The following USH2A variants were observed in gnomAD, a reference collection of about 807,000 sequenced individuals.
The protein encoded by USH2A is Usher syndrome 2A (autosomal recessive, mild).
Under a neutral mutation model 538.9 loss-of-function variants are expected in USH2A, and 443 were observed. The observed-to-expected ratio is 0.82, with a 90% CI of 0.76 to 0.89. USH2A has a LOEUF of 0.89. Among genes scored for constraint, USH2A ranks in the 40% least tolerant of loss-of-function variants. The pLI, the probability that USH2A is intolerant of heterozygous loss-of-function variation, is 0.00. For synonymous variants in USH2A, 2,413 were observed against 2,273.5 expected (o/e 1.06, Z -1.75); for missense variants, 6,633 against 6,324.8 (o/e 1.05, Z -1.65).
intron 3 of USH2A, among the ~76,000 whole-genome samples, chr1:216,393,985 A>G (rs552679896): frequency 6.6e-6 from 1 of 152,320 alleles, no homozygotes; most frequent in Admixed American, 6.5e-5. Context: ...TGAAATGGGA[A>G]GATTTGAACA....
chr1:216,071,859 G>A (rs1005045873), intron 29 of USH2A, among the ~76,000 whole-genome samples: 5 of 152,144 alleles, frequency 3.3e-5, no homozygotes, highest in African/African-American at 4.8e-5. Flanking sequence ...TTAAGAGATC[G>A]TTCAGCTCAT....
chr1:215,931,526 C>T (rs1418071913), intron 38 of USH2A, among the ~76,000 whole-genome samples: 1 of 151,964 alleles, frequency 6.6e-6, no homozygotes, highest in Non-Finnish European at 1.5e-5. Context: ...GTTTGAGCTC[C>T]CAATTTTATC....
At chr1:215,913,824 C>T (rs1195754251) in intron 38 of USH2A, among the ~76,000 whole-genome samples, 2 of 151,900 alleles carry the variant, frequency 1.3e-5, no homozygotes, top group Non-Finnish European at 2.9e-5. Context: ...CCATTACACT[C>T]ACTTCTGGGA....
Position 216,073,121 on chromosome 1 carries a change from C to T in USH2A, c.5752G>A (p.Glu1918Lys), listed in dbSNP as rs529355834. The T allele has an allele frequency of 4.3e-5, 69 of 1,613,880 alleles. No individual in the cohort carries two copies. Among genetic ancestry groups the T allele is most frequent in the South Asian group, 2.5e-4 (23 of 91,058 alleles). ...VYQGKEQSVY[E>K]GGLQPFTEYL... ...CCTGTAAAAGGCTGGAGACCACCCT[C>T]GTAAACACTCTGCTCTTTTCCCTGG... The change falls in exon 28 of 72, where the codon GAG becomes AAG. Residue 1918 changes from glutamate to lysine, a missense_variant. Physicochemically the swap from Glu to Lys is moderately conservative, Grantham distance 56 (BLOSUM62 1). Transcript: ENST00000307340.
At chr1:216,246,484 TA>T in intron 13 of USH2A, 100 bp downstream of exon 13, 2 of 1,499,926 alleles carry the variant, frequency 1.3e-6, no homozygotes, top group East Asian at 2.3e-5. Flanking sequence ...ATTTTGGAAA[TA>T]AAATTTGTAG....
chr1:215,848,847 C>A (rs1663936483), intron 44 of USH2A, among the ~76,000 whole-genome samples: 1 of 152,176 alleles, frequency 6.6e-6, no homozygotes, highest in Admixed American at 6.6e-5. Flanking sequence ...GTTCTGGGAG[C>A]AGTACATGCA....
At position 215,634,441 on chromosome 1, in the gene USH2A, A is replaced by C; in HGVS notation, c.15297+18T>G. On this transcript the variant is annotated intron_variant, in intron 70 of 71. Transcript: ENST00000307340. Reference sequence around the variant, plus strand: ...AGTCCAGTGATAGGGAAATGGGGCCACACCTCTACAAACATACCATATGGT... The same window carrying C: ...AGTCCAGTGATAGGGAAATGGGGCCCCACCTCTACAAACATACCATATGGT... 1 of 1,614,218 alleles carries C rather than the reference A, an allele frequency of 6.2e-7. No individual in the cohort carries two copies. Among genetic ancestry groups the C allele is most frequent in the South Asian group, 1.1e-5 (1 of 91,070 alleles).
chr1:215,921,043 T>C lies in USH2A; in HGVS notation c.7300+13573A>G, dbSNP rs888581571. Among the ~76,000 whole-genome samples, 14 of 152,208 alleles carry C rather than the reference T, an allele frequency of 9.2e-5. No homozygotes were observed. The East Asian group carries it at 1.5e-3, about 17-fold the overall frequency. On this transcript the variant is annotated intron_variant, in intron 38 of 71. Transcript: ENST00000307340. ...TGTTTTAGTACAGGAAGAAAAAGAT[T>C]CTTTCTTTCATTAGTTTTTACAAAT...
chr1:215,850,427 C>G (rs1663985814), intron 44 of USH2A, among the ~76,000 whole-genome samples: 1 of 152,054 alleles, frequency 6.6e-6, no homozygotes, highest in Non-Finnish European at 1.5e-5. Context: ...TTTCTGGGCC[C>G]CATGCATCTG....
intron 48 of USH2A, among the ~76,000 whole-genome samples, chr1:215,815,604 A>G (rs1662835792): frequency 6.6e-6 from 1 of 152,050 alleles, no homozygotes; most frequent in South Asian, 2.1e-4. Context: ...GGTAGGAGTA[A>G]TTTTATAAAT....
At chr1:215,659,342 G>A (rs1037374808) in intron 64 of USH2A, among the ~76,000 whole-genome samples, 5 of 152,182 alleles carry the variant, frequency 3.3e-5, no homozygotes, top group Non-Finnish European at 7.4e-5. Flanking sequence ...GAAGGCCAGT[G>A]TGGCTGACCT....
chr1:215,985,035 T>G (rs966429918), intron 35 of USH2A, among the ~76,000 whole-genome samples: 3 of 152,176 alleles, frequency 2.0e-5, no homozygotes, highest in African/African-American at 7.2e-5. Flanking sequence ...ACAAACTGAC[T>G]GGAGGTGTTT....
chr1:215,874,981 T>G (rs1202228366), intron 43 of USH2A, among the ~76,000 whole-genome samples: 1 of 152,222 alleles, frequency 6.6e-6, no homozygotes, highest in Non-Finnish European at 1.5e-5. Flanking sequence ...CAACACATGA[T>G]GAACACTCAG....
intron 61 of USH2A, among the ~76,000 whole-genome samples, chr1:215,701,467 G>A (rs1012707483): frequency 4.6e-5 from 7 of 152,142 alleles, no homozygotes; most frequent in Non-Finnish European, 1.0e-4. Flanking sequence ...CTCTTTGCAG[G>A]TCTCTAAGAA....
At chr1:215,836,532 A>ATAT (rs1293855482) in intron 47 of USH2A, among the ~76,000 whole-genome samples, 56 of 27,014 alleles carry the variant, frequency 2.1e-3, no homozygotes, top group African/African-American at 6.2e-3. Context: ...TATATTATAT[A>ATAT]TATATATATA....
At chr1:216,136,771 CA>C (rs1164376794) in intron 21 of USH2A, among the ~76,000 whole-genome samples, 1 of 152,090 alleles carries the variant, frequency 6.6e-6, no homozygotes, top group Admixed American at 6.6e-5. Context: ...AAGAAAATGC[CA>C]TGTGACAACG....
At position 215,965,364 on chromosome 1, in the gene USH2A, A is replaced by G. The variant is rs1315033828; in HGVS notation, c.7073T>C (p.Leu2358Pro). 1 of 1,613,908 alleles carries G rather than the reference A, an allele frequency of 6.2e-7. No homozygotes were observed. Among genetic ancestry groups the G allele is most frequent in the Admixed American group, 1.7e-5 (1 of 59,990 alleles). ...AGTGAAAAGGACTGAGTGTGTTAAG[A>G]GTCCATTAGGGCGAAAAGGTGCTTC... ...RWEAPFRPNG[L>P]LTHSVLFTGI... is the part of the protein sequence containing the mutation. The change falls in exon 37 of 72, where the codon CTC becomes CCC. Residue 2358 changes from leucine (L) to proline (P), a missense_variant. Physicochemically the swap from Leu to Pro is moderately conservative, Grantham distance 98. Coordinates refer to ENST00000307340, the MANE Select transcript of USH2A (RefSeq NM_206933.4).
intron 11 of USH2A, among the ~76,000 whole-genome samples, chr1:216,252,516 T>C (rs1259268417): frequency 6.6e-6 from 1 of 152,232 alleles, no homozygotes; most frequent in Non-Finnish European, 1.5e-5. Flanking sequence ...ATTAAATAAT[T>C]TTTAAAGAAC....
At chr1:215,728,480 A>G (rs1431891683) in intron 60 of USH2A, 96 bp from the exon 61 acceptor site, 30 of 1,250,220 alleles carry the variant, frequency 2.4e-5, no homozygotes, top group Non-Finnish European at 3.0e-5. Context: ...ATTTGTTATC[A>G]ACTTAACTTT....
Sources: allele counts gnomAD v4.1 joint callset (sites outside exome capture counted in the v4.1 genomes callset), GRCh38; gene constraint gnomAD v4.1.1; transcripts MANE v1.5; gene names NCBI Gene and HGNC (gene_info 2026-07-23, HGNC 2026-07-21).